The following TUBB8B variants were observed in gnomAD, a reference collection of about 807,000 sequenced individuals.
TUBB8B encodes the protein tubulin beta 8B.
Under a neutral mutation model 31.9 loss-of-function variants are expected in TUBB8B, and 26 were observed. The ratio of observed to expected loss-of-function variants is 0.81; its 90% CI spans 0.60 to 1.13. The LOEUF (loss-of-function observed/expected upper bound fraction) is 1.13, where lower values mean the gene tolerates loss of function less well. TUBB8B is among the 50% of genes most tolerant of loss of function. The pLI, the probability that TUBB8B is intolerant of heterozygous loss-of-function variation, is 0.00. For synonymous variants in TUBB8B, 173 were observed against 231.0 expected (o/e 0.75, Z 2.28); for missense variants, 467 against 586.7 (o/e 0.80, Z 2.11).
chr18:67,886 C>G, the TUBB8B span, among the ~76,000 whole-genome samples: 1 of 152,094 alleles, frequency 6.6e-6, no homozygotes, highest in African/African-American at 2.4e-5. Context: ...ATATGACACT[C>G]GTAAGACTGA....
rs1351565557 is a variant in TUBB8B, at chr18:49,111, G to A, written c.166+18C>T. ...CCGCGTTCCCAGGAGGGCGGTGGGA[G>A]AAGGACGGGGGTCGCACCGCTGGCC... is the stretch of plus-strand genomic sequence containing the variant. On this transcript the variant is annotated intron_variant, in intron 2 of 3. Transcript: ENST00000308911. 4.0e-6 allele frequency: 6 copies of A among 1,511,734 alleles called. No homozygotes were observed. Among genetic ancestry groups the A allele is most frequent in the Non-Finnish European group, 5.5e-6 (6 of 1,097,082 alleles). The allele number at this position is 1,511,734 out of a possible 1,614,324, so 93.6% of individuals were successfully genotyped here.
chr18:57,503 T>G, the TUBB8B span, among the ~76,000 whole-genome samples: 1 of 151,850 alleles, frequency 6.6e-6, no homozygotes, highest in African/African-American at 2.4e-5. Context: ...CTTGGGACGT[T>G]TAGACCTTGT....
chr18:65,410 G>A, the TUBB8B span, among the ~76,000 whole-genome samples: 13 of 152,178 alleles, frequency 8.5e-5, no homozygotes, highest in Admixed American at 3.9e-4. Flanking sequence ...AGAAAATCAA[G>A]CTGGTTTGGC....
upstream of TUBB8B, among the ~76,000 whole-genome samples, chr18:51,250 A>G (rs1265289924): frequency 6.6e-6 from 1 of 151,888 alleles, no homozygotes; most frequent in Admixed American, 6.6e-5. Flanking sequence ...CTGGCCTGCT[A>G]GAATCAATTT....
In TUBB8B at chr18:48,192, G is replaced by A. The variant is rs1905797448; in HGVS notation, c.533C>T (p.Thr178Ile). 2 of 1,609,920 alleles carry A rather than the reference G, an allele frequency of 1.2e-6. No individual in the cohort carries two copies. Among genetic ancestry groups the A allele is most frequent in the Non-Finnish European group, 1.7e-6 (2 of 1,176,128 alleles). ...GGTGGCGTTGTAGGGCTCCACCACGGTGTCCGACACCTTGGGCGAGGGCAG... is the reference window on the plus strand; with the variant it reads ...GGTGGCGTTGTAGGGCTCCACCACGATGTCCGACACCTTGGGCGAGGGCAG... ...SILPSPKVSD[T>I]VVEPYNATLS... The change falls in exon 4 of 4, where the codon ACC becomes ATC. Residue 178 changes from threonine to isoleucine, a missense_variant. Transcript: ENST00000308911.
At chr18:70,072 T>C in the TUBB8B span, among the ~76,000 whole-genome samples, 1 of 151,880 alleles carries the variant, frequency 6.6e-6, no homozygotes, top group Non-Finnish European at 1.5e-5. Context: ...ACGAATTGCT[T>C]GAACACAGGA....
the TUBB8B span, among the ~76,000 whole-genome samples, chr18:72,438 T>A: frequency 2.6e-5 from 4 of 152,042 alleles, no homozygotes; most frequent in African/African-American, 9.7e-5. Context: ...CCATTACAAA[T>A]ACACTGTAAA....
chr18:71,839 C>T, the TUBB8B span, among the ~76,000 whole-genome samples: 5 of 151,954 alleles, frequency 3.3e-5, no homozygotes, highest in Admixed American at 1.3e-4. Flanking sequence ...GCTGAGATCG[C>T]GCCACTGCAG....
chr18:61,069 A>G, the TUBB8B span, among the ~76,000 whole-genome samples: 1 of 151,734 alleles, frequency 6.6e-6, no homozygotes, highest in Non-Finnish European at 1.5e-5. Flanking sequence ...GTGTCCAGCC[A>G]TTATTGTATT....
Position 48,224 on chromosome 18 carries a change from G to T in TUBB8B, c.501C>A (p.Phe167Leu). Residue 167 changes from phenylalanine to leucine, a missense_variant, in exon 4 of 4, where the codon TTC (phenylalanine) becomes TTA (leucine). Physicochemically the swap from Phe to Leu is conservative, Grantham distance 22 (BLOSUM62 0). This residue lies in a region of TUBB8B where 259 missense variants were observed against 380.1 expected (regional missense o/e 0.68). Coordinates refer to ENST00000308911, the MANE Select transcript of TUBB8B (RefSeq NM_001358689.2). ...EEYPDRIINT[F>L]SILPSPKVSD... ...ACACCTTGGGCGAGGGCAGGATGCT[G>T]AATGTGTTTATGATCCTGTCTGGGT... The T allele has an allele frequency of 6.4e-7, 1 of 1,570,896 alleles. No homozygotes were observed. Among genetic ancestry groups the T allele is most frequent in the Non-Finnish European group, 8.8e-7 (1 of 1,139,806 alleles).
chr18:55,031 G>A, the TUBB8B span, among the ~76,000 whole-genome samples: 21 of 151,924 alleles, frequency 1.4e-4, no homozygotes, highest in Non-Finnish European at 5.9e-5. Flanking sequence ...TCTATAGAAT[G>A]TTTTGAACTC....
upstream of TUBB8B, among the ~76,000 whole-genome samples, chr18:51,404 G>A (rs1285042695): frequency 7.2e-5 from 11 of 151,938 alleles, no homozygotes; most frequent in South Asian, 6.3e-4. Context: ...TGCTGCTCTC[G>A]TGACAGTGAA....
In TUBB8B at chr18:48,336, A is replaced by C; in HGVS notation, c.389T>G (p.Leu130Arg). 6.2e-7 allele frequency: 1 copy of C among 1,609,410 alleles called. No individual in the cohort carries two copies. The highest frequency in any genetic ancestry group is 8.5e-7 in the Non-Finnish European group (1 of 1,176,072). Residue 130 changes from leucine (L) to arginine (R), a missense_variant, in exon 4 of 4, where the codon CTG becomes CGG. Transcript: ENST00000308911. ...GGAGTGGGTCAGCTGGAAACCCTGC[A>C]GGCAGTCACAGCTCTCAGCCTCCTT... The part of the protein sequence containing the change: ...VRKEAESCDC[L>R]QGFQLTHSLG...
At chr18:58,847 T>A in the TUBB8B span, among the ~76,000 whole-genome samples, 1 of 151,822 alleles carries the variant, frequency 6.6e-6, no homozygotes, top group Admixed American at 6.6e-5. Flanking sequence ...TGGCTCATGA[T>A]TCTACAGGCT....
intron 3 of TUBB8B, 111 bp downstream of exon 3, chr18:48,829 G>C: frequency 1.2e-6 from 1 of 814,364 alleles, no homozygotes; most frequent in Non-Finnish European, 2.1e-6. Context: ...GCGGATAGGA[G>C]GGTGTTCAGG....
chr18:48,403 C>A lies in TUBB8B; in HGVS notation c.322G>T (p.Glu108Ter), dbSNP rs1247968015. The change falls in exon 4 of 4, where the codon GAA (glutamate) becomes TAA (stop). Residue 108 changes from glutamate to a stop codon, truncating the protein, a stop_gained. Transcript: ENST00000308911. LOFTEE classifies it high-confidence loss of function. Reference protein sequence around the residue: ...GNNWAKGRYTEGAELTESVMD... With the variant: ...GNNWAKGRYT Reference sequence around the variant, plus strand: ...ACTGACTCCGTCAGCTCCGCGCCTTCTGTGTAGCGTCCCTTGGCCCAGTTG... The same window carrying A: ...ACTGACTCCGTCAGCTCCGCGCCTTATGTGTAGCGTCCCTTGGCCCAGTTG... 2 of 1,612,910 alleles carry A rather than the reference C, an allele frequency of 1.2e-6. No individual in the cohort carries two copies. Among genetic ancestry groups the A allele is most frequent in the Admixed American group, 3.3e-5 (2 of 60,026 alleles).
At chr18:66,038 G>A in the TUBB8B span, among the ~76,000 whole-genome samples, 7 of 152,000 alleles carry the variant, frequency 4.6e-5, no homozygotes, top group Admixed American at 6.6e-5. Flanking sequence ...AGGCCAGTCC[G>A]GCCAACACAG....
At chr18:72,198 A>C in the TUBB8B span, among the ~76,000 whole-genome samples, 1 of 147,516 alleles carries the variant, frequency 6.8e-6, no homozygotes. Flanking sequence ...AAAAAAAAAA[A>C]AGGAAAAAAA....
chr18:54,479 ATTCT>A (rs1463526147), upstream of TUBB8B, among the ~76,000 whole-genome samples: 5 of 151,402 alleles, frequency 3.3e-5, no homozygotes, highest in Admixed American at 6.6e-5. Flanking sequence ...TGTCTTATTC[ATTCT>A]TTCTAACAAT....
Sources: allele counts gnomAD v4.1 joint callset (sites outside exome capture counted in the v4.1 genomes callset), GRCh38; gene constraint gnomAD v4.1.1; regional missense constraint gnomAD v4.1.1; transcripts MANE v1.5; gene names NCBI Gene and HGNC (gene_info 2026-07-23, HGNC 2026-07-21).